Variants in STOX2 observed in about 807,000 individuals in gnomAD.
STOX2 encodes storkhead-box protein 2.
In STOX2, 28 loss-of-function variants were observed where a neutral mutation model predicts 60.9. That is an observed-to-expected ratio of 0.46 (90% CI 0.34 to 0.63). STOX2 has a LOEUF of 0.63. STOX2 is among the 30% of genes least tolerant of loss of function. STOX2 has a pLI of 0.01. For synonymous variants in STOX2, 472 were observed against 463.9 expected, an observed-to-expected ratio of 1.02 and a Z score of -0.22; for missense variants, 1,024 against 1,187.7, an observed-to-expected ratio of 0.86 and a Z score of 2.03.
At chr4:183,863,217 G>T (rs1740490788) in intron 1 of STOX2, among the ~76,000 whole-genome samples, 2 of 152,104 alleles carry the variant, frequency 1.3e-5, no homozygotes, top group African/African-American at 4.8e-5. Context: ...AATGTGGAAC[G>T]CTGTAAAGCC....
At chr4:183,932,777 G>A (rs1425988988) in intron 1 of STOX2, among the ~76,000 whole-genome samples, 1 of 152,142 alleles carries the variant, frequency 6.6e-6, no homozygotes, top group Admixed American at 6.5e-5. Flanking sequence ...TGGGGAACCC[G>A]ACTTCCTACA....
chr4:183,839,285 G>A (rs896463100), intron 1 of STOX2, among the ~76,000 whole-genome samples: 1 of 152,124 alleles, frequency 6.6e-6, no homozygotes, highest in Non-Finnish European at 1.5e-5. Context: ...GAGTCACAGA[G>A]ACATCTAGAC....
intron 1 of STOX2, among the ~76,000 whole-genome samples, chr4:183,823,423 A>G (rs75888035): frequency 0.012 from 1,853 of 152,234 alleles, 35 homozygotes; most frequent in African/African-American, 0.041. Context: ...CAAACAAACC[A>G]AAAAACCCCC....
At chr4:183,966,543 A>G (rs56869218) in intron 1 of STOX2, among the ~76,000 whole-genome samples, 14,294 of 152,236 alleles carry the variant, frequency 0.094, 1,251 homozygotes, top group African/African-American at 0.23. Context: ...CCTCCCCCAG[A>G]AGCCGTTCCC....
At chr4:183,943,012 A>C (rs1195895703) in intron 1 of STOX2, among the ~76,000 whole-genome samples, 1 of 152,214 alleles carries the variant, frequency 6.6e-6, no homozygotes, top group Non-Finnish European at 1.5e-5. Flanking sequence ...AGACTGTTTG[A>C]ATCTGGGATA....
At chr4:183,984,889 G>A (rs1017010413) in intron 1 of STOX2, among the ~76,000 whole-genome samples, 50 of 152,168 alleles carry the variant, frequency 3.3e-4, no homozygotes, top group Admixed American at 3.1e-3. Context: ...ATGGCTGCAT[G>A]TGATTCTTGA....
intron 1 of STOX2, among the ~76,000 whole-genome samples, chr4:183,890,591 TGGA>T (rs1741186945): frequency 9.4e-6 from 1 of 106,476 alleles, no homozygotes; most frequent in Non-Finnish European, 2.1e-5. Flanking sequence ...GGAGGGATGA[TGGA>T]GGGCAGAAAG....
At chr4:183,901,479 G>A (rs1741457697), upstream of STOX2, among the ~76,000 whole-genome samples, 1 of 152,070 alleles carries the variant, frequency 6.6e-6, no homozygotes, top group South Asian at 2.1e-4. Context: ...AAGTTTTTGA[G>A]GAGTTGCCAT....
intron 3 of STOX2, among the ~76,000 whole-genome samples, chr4:184,013,147 C>T (rs1301570909): frequency 4.6e-5 from 7 of 152,136 alleles, no homozygotes; most frequent in Non-Finnish European, 8.8e-5. Context: ...AGGAAGCTGC[C>T]GTACTAAAGA....
At chr4:183,823,165 G>A (rs940683908) in intron 1 of STOX2, among the ~76,000 whole-genome samples, 2 of 152,212 alleles carry the variant, frequency 1.3e-5, no homozygotes, top group South Asian at 2.1e-4. Flanking sequence ...GGAGGCCAAG[G>A]TGGGTGGATC....
chr4:183,924,649 T>C (rs1292607271), intron 1 of STOX2, among the ~76,000 whole-genome samples: 1 of 152,104 alleles, frequency 6.6e-6, no homozygotes, highest in Non-Finnish European at 1.5e-5. Context: ...GGGATTTGCA[T>C]GAGAGGGAGA....
intron 1 of STOX2, among the ~76,000 whole-genome samples, chr4:183,817,891 G>A (rs1739188253): frequency 6.6e-6 from 1 of 152,002 alleles, no homozygotes; most frequent in African/African-American, 2.4e-5. Context: ...GCATCTTCAG[G>A]TATTATCTTA....
At chr4:183,938,755 T>C (rs898697177) in intron 1 of STOX2, among the ~76,000 whole-genome samples, 1 of 152,118 alleles carries the variant, frequency 6.6e-6, no homozygotes, top group Admixed American at 6.5e-5. Flanking sequence ...CCAACTTTGA[T>C]TTTCAAAGCT....
chr4:183,848,059 G>C (rs957442299), intron 1 of STOX2, among the ~76,000 whole-genome samples: 2 of 152,184 alleles, frequency 1.3e-5, no homozygotes, highest in African/African-American at 4.8e-5. Context: ...AGTCTTCCTA[G>C]AAAGTTATGC....
chr4:184,002,820 G>C (rs945579780), intron 2 of STOX2, among the ~76,000 whole-genome samples: 3 of 152,194 alleles, frequency 2.0e-5, no homozygotes, highest in African/African-American at 4.8e-5. Flanking sequence ...TGGTCTCCCT[G>C]CTTCTCCTTT....
At chr4:184,005,474 A>AAAAAAAAAAAAAAAAC (rs58443213) in intron 2 of STOX2, among the ~76,000 whole-genome samples, 2 of 120,072 alleles carry the variant, frequency 1.7e-5, no homozygotes, top group Non-Finnish European at 3.5e-5. Flanking sequence ...AAAAAAAAAA[A>AAAAAAAAAAAAAAAAC]AATTCATAGG....
In STOX2 at chr4:184,010,824, T is replaced by C. The variant is rs1276328664; in HGVS notation, c.1986T>C (p.Gly662=). The stretch of plus-strand genomic sequence containing the variant: ...AGGAGGAGTCACCAAAAGGGCCGGG[T>C]GGGGGCCCCGCTGCTTCGGGAGGAG... ...GHKEESPKGP[G]GGPAASGGVA... Residue 662 remains glycine, a synonymous_variant, in exon 3 of 4, where the codon GGT becomes GGC. Coordinates refer to ENST00000308497, the MANE Select transcript of STOX2 (RefSeq NM_020225.3). This position sits in a 1 kb window ranked among gnomAD's most constrained non-coding sequence, Gnocchi z 4.5. The C allele has an allele frequency of 6.3e-7, 1 of 1,589,144 alleles. No homozygotes were observed. Among genetic ancestry groups the C allele is most frequent in the Non-Finnish European group, 8.6e-7 (1 of 1,167,992 alleles).
chr4:183,993,411 G>C (rs1202418179), intron 1 of STOX2, among the ~76,000 whole-genome samples: 1 of 152,204 alleles, frequency 6.6e-6, no homozygotes, highest in African/African-American at 2.4e-5. Context: ...TGGCCACCGT[G>C]TTACTCTCGT....
intron 1 of STOX2, among the ~76,000 whole-genome samples, chr4:183,829,054 A>G (rs1470648146): frequency 1.3e-5 from 2 of 152,260 alleles, no homozygotes; most frequent in Admixed American, 6.5e-5. Context: ...TTATGGCAAC[A>G]TTTATAAAGT....
Sources: gnomAD v4.1 joint callset for allele counts (sites outside exome capture counted in the v4.1 genomes callset) on GRCh38, gnomAD v4.1.1 for gene constraint, Gnocchi (gnomAD v3.1) non-coding constraint, MANE v1.5 for transcripts, NCBI Gene and HGNC (gene_info 2026-07-23, HGNC 2026-07-21) for gene names.